ITPRIPL1: variants seen among roughly 807,000 people sequenced by gnomAD.
The protein encoded by ITPRIPL1 is inositol 1,4,5-trisphosphate receptor-interacting protein-like 1.
In ITPRIPL1, 28 loss-of-function variants were observed where a neutral mutation model predicts 40.0. The observed-to-expected ratio is 0.70, with a 90% CI of 0.52 to 0.96. The LOEUF (loss-of-function observed/expected upper bound fraction) is 0.96. Among genes scored for constraint, ITPRIPL1 ranks in the 40% least tolerant of loss-of-function variants. The probability of loss-of-function intolerance (pLI) is 0.00; values close to 1 mark genes in which losing one functional copy is unlikely to be tolerated. For missense variants in ITPRIPL1, 638 were observed against 698.0 expected, an observed-to-expected ratio of 0.91 and a Z score of 0.97; for synonymous variants, 251 against 275.7, an observed-to-expected ratio of 0.91 and a Z score of 0.89.
downstream of ITPRIPL1, chr2:96,329,193 A>C (rs1233759594): frequency 1.3e-3 from 151 of 112,356 alleles, no homozygotes; most frequent in East Asian, 2.2e-3. Flanking sequence ...ATATATATAT[A>C]TCTCCAAGAT....
At chr2:96,330,269 A>G (rs1033334900), downstream of ITPRIPL1, 4 of 150,714 alleles carry the variant, frequency 2.7e-5, no homozygotes, top group African/African-American at 4.9e-5. Context: ...AAAAAAAAAA[A>G]AAAAAAAAGG....
At position 96,327,574 on chromosome 2, in the gene ITPRIPL1, G is replaced by T. The variant is rs373556968; in HGVS notation, c.943G>T (p.Val315Leu). The T allele has an allele frequency of 6.2e-7, 1 of 1,611,938 alleles. No homozygotes were observed. Among genetic ancestry groups the T allele is most frequent in the Non-Finnish European group, 8.5e-7 (1 of 1,179,150 alleles). ...TCTCTGCACCGGCTTCCACCTAGAC[G>T]TGTGCAAGACTGTGCAGTGGTTCCG... ...AALCTGFHLD[V>L]CKTVQWFRNM... The change falls in exon 3 of 3, where the codon GTG becomes TTG. Residue 315 changes from valine (V) to leucine (L), a missense_variant. Physicochemically the swap from Val to Leu is conservative, Grantham distance 32 (BLOSUM62 1). Transcript: ENST00000439118.
rs772691194 is a variant in ITPRIPL1 at position 96,326,821 on chromosome 2, CGAGCCGCT to C, written c.195_202del (p.Ala66GlufsTer15). ...AGAGATGGAGTTTGAAGAGAGAAAG[CGAGCCGCT>C]GAGCAGAGGCAGAAGGCAGAGAACT... On this transcript the variant is annotated frameshift_variant, in exon 3 of 3. Coordinates refer to ENST00000439118, the MANE Select transcript of ITPRIPL1 (RefSeq NM_001008949.3). LOFTEE classifies it high-confidence loss of function. The C allele has an allele frequency of 2.5e-6, 4 of 1,613,936 alleles. No homozygotes were observed.
chr2:96,326,789 G>A lies in ITPRIPL1; in HGVS notation c.158G>A (p.Arg53His), dbSNP rs770421050. 1.3e-5 allele frequency: 21 copies of A among 1,614,208 alleles called. No individual in the cohort carries two copies. The highest frequency in any genetic ancestry group is 6.7e-5 in the East Asian group (3 of 44,882). The change falls in exon 3 of 3, where the codon CGC (arginine) becomes CAC (histidine). Residue 53 changes from arginine (R) to histidine (H), a missense_variant. By Grantham distance (29) the Arg-to-His change is conservative. Coordinates refer to ENST00000439118, the MANE Select transcript of ITPRIPL1 (RefSeq NM_001008949.3). Reference sequence around the variant, plus strand: ...GAGAAGCGAATGAGTGAGGAGATGCGCCTGCTAGAGATGGAGTTTGAAGAG... The same window carrying A: ...GAGAAGCGAATGAGTGAGGAGATGCACCTGCTAGAGATGGAGTTTGAAGAG... ...QLEKRMSEEM[R>H]LLEMEFEERK...
rs1573046273 is a variant in ITPRIPL1, at chr2:96,325,584, G to C, written c.-94+19G>C. Reference sequence around the variant, plus strand: ...ACTGACGGTGAGTAACCTGGCCCTGGGTCCCGGGAGACATCCCGAGGTAGG... The same window carrying C: ...ACTGACGGTGAGTAACCTGGCCCTGCGTCCCGGGAGACATCCCGAGGTAGG... On this transcript the variant is annotated intron_variant, in intron 1 of 2. Transcript: ENST00000439118. 3.4e-6 allele frequency: 2 copies of C among 582,044 alleles called. No homozygotes were observed. Among genetic ancestry groups the C allele is most frequent in the African/African-American group, 3.7e-5 (2 of 53,528 alleles). 36.1% of individuals were successfully genotyped at this position (582,044 alleles called of 1,614,324 possible).
In ITPRIPL1 at chr2:96,327,027, G is replaced by A; in HGVS notation, c.396G>A (p.Gln132=). The change falls in exon 3 of 3, where the codon CAG becomes CAA. Residue 132 remains glutamine (Q), a synonymous_variant. Coordinates refer to ENST00000439118, the MANE Select transcript of ITPRIPL1 (RefSeq NM_001008949.3). The part of the protein sequence containing the change: ...LVFELLRQNM[Q]HEPAFDSSSE... ...TTGAGCTCCTGCGACAGAACATGCA[G>A]CATGAACCGGCCTTTGATTCCAGCA... 1 of 1,614,232 alleles carries A rather than the reference G, an allele frequency of 6.2e-7. No individual in the cohort carries two copies. Among genetic ancestry groups the A allele is most frequent in the Non-Finnish European group, 8.5e-7 (1 of 1,180,038 alleles).
chr2:96,325,958 C>G, intron 2 of ITPRIPL1, 109 bp downstream of exon 2: 1 of 1,295,498 alleles, frequency 7.7e-7, no homozygotes, highest in South Asian at 1.2e-5. Context: ...AGGCCTTGGG[C>G]ACCTGGTTCT....
At chr2:96,325,908 G>A (rs2064102092) in intron 2 of ITPRIPL1, 59 bp downstream of exon 2, 4 of 1,587,174 alleles carry the variant, frequency 2.5e-6, no homozygotes, top group African/African-American at 1.3e-5. Context: ...TCACGGGTGG[G>A]TGGGGAGGCA....
downstream of ITPRIPL1, chr2:96,330,247 CAAAAAAAAAAAAAA>C (rs57831992): frequency 8.6e-5 from 2 of 23,126 alleles, no homozygotes; most frequent in African/African-American, 2.1e-4. Context: ...GACCGCGTCT[CAAAAAAAAAAAAAA>C]AAAAAAAAAA....
chr2:96,327,680 G>A lies in ITPRIPL1; in HGVS notation c.1049G>A (p.Cys350Tyr). 1 of 1,613,290 alleles carries A rather than the reference G, an allele frequency of 6.2e-7. No individual in the cohort carries two copies. The highest frequency in any genetic ancestry group is 8.5e-7 in the Non-Finnish European group (1 of 1,179,722). Residue 350 changes from cysteine to tyrosine, a missense_variant, in exon 3 of 3, where the codon TGC (cysteine) becomes TAC (tyrosine). Coordinates refer to ENST00000439118, the MANE Select transcript of ITPRIPL1 (RefSeq NM_001008949.3). ...AGTCTCCCACCGTCTACCACCTCCT[G>A]CAAGCTCCGGCTGGACTATCGCTCA... ...KLSLPPSTTSCKLRLDYRSGR... is the reference protein window; with the variant it reads ...KLSLPPSTTSYKLRLDYRSGR...
At chr2:96,326,535 A>G in intron 2 of ITPRIPL1, 107 bp from the exon 3 acceptor site, 3 of 1,572,466 alleles carry the variant, frequency 1.9e-6, no homozygotes, top group Non-Finnish European at 2.6e-6. Flanking sequence ...GTTCCTCCTG[A>G]GTAGCTGATT....
downstream of ITPRIPL1, chr2:96,329,410 T>A (rs945442253): frequency 6.6e-6 from 1 of 151,952 alleles, no homozygotes; most frequent in African/African-American, 2.4e-5. Flanking sequence ...GGAGGCAACA[T>A]TATAAAGGCC....
chr2:96,327,995 AC>A lies in ITPRIPL1; in HGVS notation c.1366del (p.Leu456SerfsTer47), dbSNP rs762508420. 2 of 1,614,054 alleles carry A rather than the reference AC, an allele frequency of 1.2e-6. No homozygotes were observed. The highest frequency in any genetic ancestry group is 1.7e-5 in the Admixed American group (1 of 60,000). ...TSYHFKTALMHLLLRLPLTDW... is the reference protein window; with the variant it reads ...TSYHFKTALMXLLLRLPLTDW... ...TACCATTTTAAAACAGCTCTCATGC[AC>A]CTCTTGCTACGGCTGCCCCTCACGG... On this transcript the variant is annotated frameshift_variant, in exon 3 of 3. Transcript: ENST00000439118. LOFTEE classifies it high-confidence loss of function.
chr2:96,329,165 A>C (rs1295395812), downstream of ITPRIPL1: 2 of 87,794 alleles, frequency 2.3e-5, no homozygotes, highest in Non-Finnish European at 5.7e-5. Context: ...ATATATATAT[A>C]TATATATATA....
rs748010684 is a variant in ITPRIPL1 at position 96,326,778 on chromosome 2, T to C, written c.147T>C (p.Ser49=). 6.2e-7 allele frequency: 1 copy of C among 1,613,536 alleles called. No homozygotes were observed. Among genetic ancestry groups the C allele is most frequent in the South Asian group, 1.1e-5 (1 of 91,058 alleles). ...GTCGGCAGCTGGAGAAGCGAATGAG[T>C]GAGGAGATGCGCCTGCTAGAGATGG... ...ARSRQLEKRM[S]EEMRLLEMEF... Residue 49 remains serine, a synonymous_variant, in exon 3 of 3, where the codon AGT becomes AGC. Transcript: ENST00000439118.
At chr2:96,326,330 G>A in intron 2 of ITPRIPL1, 1 of 1,477,074 alleles carries the variant, frequency 6.8e-7, no homozygotes, top group Non-Finnish European at 9.0e-7. Flanking sequence ...CTACCACAAG[G>A]GTCCCCCTCC....
downstream of ITPRIPL1, chr2:96,330,187 T>TGA (rs1297297596): frequency 7.5e-6 from 1 of 134,046 alleles, no homozygotes; most frequent in Non-Finnish European, 1.5e-5. Flanking sequence ...AGGGCTGTAG[T>TGA]GAGCTATGAT....
chr2:96,326,451 G>A (rs560407561), intron 2 of ITPRIPL1, 191 bp from the exon 3 acceptor site: 99 of 1,545,832 alleles, frequency 6.4e-5, no homozygotes, highest in East Asian at 1.4e-4. Context: ...ACATCCTTTC[G>A]CCCTCTTTTC....
Position 96,328,153 on chromosome 2 carries a change from A to G in ITPRIPL1, c.1522A>G (p.Lys508Glu). The G allele has an allele frequency of 6.2e-7, 1 of 1,613,974 alleles. No homozygotes were observed. The highest frequency in any genetic ancestry group is 8.5e-7 in the Non-Finnish European group (1 of 1,179,988). The change falls in exon 3 of 3, where the codon AAG (lysine) becomes GAG (glutamate). Residue 508 changes from lysine (K) to glutamate (E), a missense_variant. Physicochemically the swap from Lys to Glu is moderately conservative, Grantham distance 56. Coordinates refer to ENST00000439118, the MANE Select transcript of ITPRIPL1 (RefSeq NM_001008949.3). Reference sequence around the variant, plus strand: ...TCTGCCCCTGACCATCCCAATCCCTAAGACATTTAGGAATGCTGAGCCGGT... The same window carrying G: ...TCTGCCCCTGACCATCCCAATCCCTGAGACATTTAGGAATGCTGAGCCGGT... The part of the protein sequence containing the change: ...NFLPLTIPIP[K>E]TFRNAEPVNL...
Sources: gnomAD v4.1 joint callset for allele counts on GRCh38, gnomAD v4.1.1 for gene constraint, MANE v1.5 for transcripts, NCBI Gene and HGNC (gene_info 2026-07-23, HGNC 2026-07-21) for gene names.